The following FHIT variants were observed in gnomAD, a reference collection of about 807,000 sequenced individuals.
The protein encoded by FHIT is fragile histidine triad diadenosine triphosphatase, also known as bis(5'-adenosyl)-triphosphatase.
FHIT carries 19 observed loss-of-function variants against 17.9 expected under a neutral mutation model. That is an observed-to-expected ratio of 1.06 (90% CI 0.74 to 1.56). FHIT has a LOEUF of 1.56. FHIT is among the 40% of genes most tolerant of loss of function. FHIT has a pLI of 0.00. For synonymous variants in FHIT, 81 were observed against 69.7 expected (o/e 1.16, Z -0.81); for missense variants, 248 against 189.2 (o/e 1.31, Z -1.82).
chr3:60,928,548 CTAAATAAA>C (rs59452376), intron 3 of FHIT, among the ~76,000 whole-genome samples: 5 of 140,472 alleles, frequency 3.6e-5, no homozygotes, highest in African/African-American at 1.3e-4. Flanking sequence ...GACTCTGTCT[CTAAATAAA>C]TAAATAAATA....
chr3:60,419,628 T>C (rs993314404), intron 5 of FHIT, among the ~76,000 whole-genome samples: 1 of 152,162 alleles, frequency 6.6e-6, no homozygotes, highest in Non-Finnish European at 1.5e-5. Flanking sequence ...TTAGCACATG[T>C]GTGGTGTGTA....
intron 7 of FHIT, among the ~76,000 whole-genome samples, chr3:60,005,845 C>T (rs937701673): frequency 3.3e-5 from 5 of 152,140 alleles, no homozygotes; most frequent in Non-Finnish European, 7.4e-5. Context: ...TCATTTTCAT[C>T]CTCAAGATAA....
chr3:61,246,570 C>T (rs535486772), intron 1 of FHIT, among the ~76,000 whole-genome samples: 24 of 152,226 alleles, frequency 1.6e-4, no homozygotes, highest in Admixed American at 4.6e-4. Context: ...CTCAGGCTCA[C>T]CATTCTCAGC....
chr3:61,214,005 C>A (rs1417141990), intron 1 of FHIT, among the ~76,000 whole-genome samples: 12 of 152,060 alleles, frequency 7.9e-5, no homozygotes, highest in Non-Finnish European at 1.0e-4. Flanking sequence ...CCATTCAAAG[C>A]AGTGTATAGA....
At chr3:60,013,088 A>G (rs1307381934) in intron 6 of FHIT, among the ~76,000 whole-genome samples, 1 of 152,202 alleles carries the variant, frequency 6.6e-6, no homozygotes, top group Non-Finnish European at 1.5e-5. Context: ...CAGACATGGC[A>G]GCAAAAAAAG....
chr3:60,738,182 C>A (rs1250014903), intron 4 of FHIT, among the ~76,000 whole-genome samples: 1 of 152,160 alleles, frequency 6.6e-6, no homozygotes, highest in South Asian at 2.1e-4. Context: ...ACCGCCAGTG[C>A]TCAAATCTGA....
intron 8 of FHIT, among the ~76,000 whole-genome samples, chr3:59,900,076 A>G (rs907092670): frequency 2.6e-5 from 4 of 152,226 alleles, no homozygotes; most frequent in Non-Finnish European, 4.4e-5. Context: ...CCATGGAGGC[A>G]GAGCAGAGGC....
chr3:60,015,267 G>A (rs532656493), intron 5 of FHIT, among the ~76,000 whole-genome samples: 1 of 152,194 alleles, frequency 6.6e-6, no homozygotes, highest in East Asian at 1.9e-4. Flanking sequence ...GAGCTCAGCT[G>A]GTCAGGCCTG....
intron 2 of FHIT, among the ~76,000 whole-genome samples, chr3:61,083,128 A>G (rs2106783527): frequency 6.6e-6 from 1 of 152,242 alleles, no homozygotes; most frequent in East Asian, 1.9e-4. Context: ...ACTCTAATAT[A>G]TTTATCTTTT....
chr3:61,146,737 C>T (rs1034486388), intron 2 of FHIT, among the ~76,000 whole-genome samples: 27 of 152,010 alleles, frequency 1.8e-4, no homozygotes, highest in Middle Eastern at 3.2e-3. Context: ...TTGCTGCCAG[C>T]AGTTCCATAG....
intron 3 of FHIT, among the ~76,000 whole-genome samples, chr3:60,905,839 C>T (rs1706381362): frequency 6.6e-6 from 1 of 151,970 alleles, no homozygotes; most frequent in South Asian, 2.1e-4. Flanking sequence ...TTTCAAAGAG[C>T]GTGAGTAAAA....
chr3:60,357,549 A>G (rs1465104435), intron 5 of FHIT, among the ~76,000 whole-genome samples: 1 of 152,076 alleles, frequency 6.6e-6, no homozygotes, highest in African/African-American at 2.4e-5. Context: ...CCGGCCCAAT[A>G]TCACTTTCAA....
chr3:60,300,141 G>A (rs1010256641), intron 5 of FHIT, among the ~76,000 whole-genome samples: 3 of 151,994 alleles, frequency 2.0e-5, no homozygotes, highest in Non-Finnish European at 4.4e-5. Context: ...CCACCTCTCA[G>A]AATATTTTTA....
chr3:60,220,485 T>C, intron 5 of FHIT, among the ~76,000 whole-genome samples: 1 of 152,306 alleles, frequency 6.6e-6, no homozygotes, highest in Non-Finnish European at 1.5e-5. Context: ...ATAATAGCAT[T>C]CATACTATGT....
intron 2 of FHIT, among the ~76,000 whole-genome samples, chr3:61,166,637 C>T (rs1388919639): frequency 1.3e-5 from 2 of 152,210 alleles, no homozygotes; most frequent in East Asian, 3.8e-4. Flanking sequence ...CTGTTCAACA[C>T]CAATCTTTCT....
At chr3:60,270,815 G>A (rs941663778) in intron 5 of FHIT, among the ~76,000 whole-genome samples, 1 of 152,168 alleles carries the variant, frequency 6.6e-6, no homozygotes, top group Non-Finnish European at 1.5e-5. Flanking sequence ...GAACCATGGG[G>A]AGGAACACCG....
chr3:60,212,606 G>A (rs929100125), intron 5 of FHIT, among the ~76,000 whole-genome samples: 26 of 152,112 alleles, frequency 1.7e-4, no homozygotes, highest in Non-Finnish European at 3.5e-4. Flanking sequence ...ACTAAGTGTT[G>A]TTTAAGCACT....
At chr3:60,612,439 A>G (rs915298064) in intron 4 of FHIT, among the ~76,000 whole-genome samples, 8 of 152,220 alleles carry the variant, frequency 5.3e-5, no homozygotes, top group African/African-American at 1.7e-4. Context: ...CCTTGTTAAA[A>G]CAAAAAGCAA....
chr3:60,303,011 A>C (rs764359403), intron 5 of FHIT, among the ~76,000 whole-genome samples: 3 of 152,146 alleles, frequency 2.0e-5, no homozygotes, highest in Non-Finnish European at 2.9e-5. Context: ...AAAAACCTTT[A>C]ATATTTTTGT....
Sources: allele counts gnomAD v4.1 joint callset (sites outside exome capture counted in the v4.1 genomes callset), GRCh38; gene constraint gnomAD v4.1.1; transcripts MANE v1.5; gene names NCBI Gene and HGNC (gene_info 2026-07-23, HGNC 2026-07-21).